The following APOBEC3D variants were observed in gnomAD, a reference collection of about 807,000 sequenced individuals.
The protein encoded by APOBEC3D is DNA dC->dU-editing enzyme APOBEC-3D.
In APOBEC3D, 37 loss-of-function variants were observed where a neutral mutation model predicts 45.6. The ratio of observed to expected loss-of-function variants is 0.81; its 90% CI spans 0.62 to 1.07. The LOEUF (loss-of-function observed/expected upper bound fraction) is 1.07, where lower values mean the gene tolerates loss of function less well. Among genes scored for constraint, APOBEC3D ranks in the 50% least tolerant of loss-of-function variants. APOBEC3D has a pLI of 0.00. For synonymous variants in APOBEC3D, 175 were observed against 180.7 expected, an observed-to-expected ratio of 0.97 and a Z score of 0.25; for missense variants, 496 against 495.3, an observed-to-expected ratio of 1.00 and a Z score of -0.01.
At position 39,027,548 on chromosome 22, in the gene APOBEC3D, A is replaced by G. The variant is rs923947563; in HGVS notation, c.606-1815A>G. 3.3e-4 allele frequency among the ~76,000 whole-genome samples: 50 copies of G among 152,138 alleles called. 2 individuals are homozygous for G. The highest frequency in any genetic ancestry group is 1.5e-4 in the Non-Finnish European group (10 of 68,006). ...ACTCACAGCGCAGGTGTCTCCTGGAACAAGGGCCCTGGACGATAGAAATAG... is the reference window on the plus strand; with the variant it reads ...ACTCACAGCGCAGGTGTCTCCTGGAGCAAGGGCCCTGGACGATAGAAATAG... On this transcript the variant is annotated intron_variant, in intron 4 of 6. Transcript: ENST00000216099.
intron 4 of APOBEC3D, among the ~76,000 whole-genome samples, chr22:39,029,061 C>G (rs1925955772): frequency 6.6e-6 from 1 of 152,226 alleles, no homozygotes; most frequent in Non-Finnish European, 1.5e-5. Flanking sequence ...GTTTTATTCT[C>G]TGTTGCATTT....
At chr22:39,024,546 T>A (rs1925437791) in intron 2 of APOBEC3D, among the ~76,000 whole-genome samples, 1 of 152,176 alleles carries the variant, frequency 6.6e-6, no homozygotes, top group Admixed American at 6.5e-5. Flanking sequence ...CAGAAATGTG[T>A]TGGCTCGAGT....
Position 39,032,282 on chromosome 22 carries a change from T to G in APOBEC3D, c.1127T>G (p.Leu376Arg). ...AAGGGACTACAAACCAACTTTCGAC[T>G]TCTGAAAAGAAGGCTACGGGAGATT... is the stretch of plus-strand genomic sequence containing the variant. ...PWKGLQTNFR[L>R]LKRRLREILQ The change falls in exon 7 of 7, where the codon CTT (leucine) becomes CGT (arginine). Residue 376 changes from leucine to arginine, a missense_variant. Leu to Arg is a moderately radical substitution (Grantham distance 102). Transcript: ENST00000216099. 3 of 1,614,178 alleles carry G rather than the reference T, an allele frequency of 1.9e-6. No homozygotes were observed. Among genetic ancestry groups the G allele is most frequent in the Non-Finnish European group, 1.7e-6 (2 of 1,180,024 alleles).
At position 39,022,946 on chromosome 22, in the gene APOBEC3D, C is replaced by T. The variant is rs557872721; in HGVS notation, c.142C>T (p.Leu48Phe). Residue 48 changes from leucine (L) to phenylalanine (F), a missense_variant, in exon 2 of 7, where the codon CTC (leucine) becomes TTC (phenylalanine). Coordinates refer to ENST00000216099, the MANE Select transcript of APOBEC3D (RefSeq NM_152426.4). ...GAAAATAAAGAGGGGCCGCTCAAATCTCCTTTGGGACACAGGGGTCTTTCG... is the reference window on the plus strand; with the variant it reads ...GAAAATAAAGAGGGGCCGCTCAAATTTCCTTTGGGACACAGGGGTCTTTCG... ...EVKIKRGRSNLLWDTGVFRGP... is the reference protein window; with the variant it reads ...EVKIKRGRSNFLWDTGVFRGP... 1.2e-6 allele frequency: 2 copies of T among 1,613,994 alleles called. No individual in the cohort carries two copies. Among genetic ancestry groups the T allele is most frequent in the East Asian group, 2.2e-5 (1 of 44,874 alleles).
intron 1 of APOBEC3D, 49 bp downstream of exon 1, chr22:39,021,585 G>A (rs772188291): frequency 6.2e-7 from 1 of 1,612,984 alleles, no homozygotes; most frequent in Admixed American, 1.7e-5. Context: ...CCTTCCTTCT[G>A]GTGGTCCTGC....
rs189177843 is a variant in APOBEC3D at position 39,032,617 on chromosome 22, G to A, written c.*301G>A. On this transcript the variant is annotated 3_prime_UTR_variant, in exon 7 of 7. Coordinates refer to ENST00000216099, the MANE Select transcript of APOBEC3D (RefSeq NM_152426.4). The stretch of plus-strand genomic sequence containing the variant: ...TTTTTTTTTTTTTTTTTTTTGAGAC[G>A]GAGTTTCACTCTGTCGCCCAGACTA... The A allele has an allele frequency of 1.0e-4, 107 of 1,053,788 alleles. No individual in the cohort carries two copies. The highest frequency in any genetic ancestry group is 4.8e-4 in the African/African-American group (27 of 56,486). The allele number at this position is 1,053,788 out of a possible 1,614,324, so 65.3% of individuals were successfully genotyped here.
chr22:39,021,282 A>G lies in APOBEC3D; in HGVS notation c.-238A>G. ...GTCACCACACCTGGCTAATTTTTGTATTTTTAGTAGAGACGGGGTTTCTCC... is the reference window on the plus strand; with the variant it reads ...GTCACCACACCTGGCTAATTTTTGTGTTTTTAGTAGAGACGGGGTTTCTCC... On this transcript the variant is annotated 5_prime_UTR_variant, in exon 1 of 7. Coordinates refer to ENST00000216099, the MANE Select transcript of APOBEC3D (RefSeq NM_152426.4). The G allele has an allele frequency of 2.1e-6, 1 of 469,586 alleles. No homozygotes were observed. Among genetic ancestry groups the G allele is most frequent in the South Asian group, 2.1e-5 (1 of 47,946 alleles). The allele number at this position is 469,586 out of a possible 1,614,324, so 29.1% of individuals were successfully genotyped here.
chr22:39,032,366 C>T lies in APOBEC3D; in HGVS notation c.*50C>T, dbSNP rs759513202. 1.2e-5 allele frequency: 20 copies of T among 1,602,958 alleles called. No individual in the cohort carries two copies. In the African/African-American group the frequency reaches 2.4e-4, roughly 19 times the overall value. Reference sequence around the variant, plus strand: ...TGTCTCTTCTAGCCTCCTGCTCATGCTGCACGGGCCTCCCCTCCATCCTGC... The same window carrying T: ...TGTCTCTTCTAGCCTCCTGCTCATGTTGCACGGGCCTCCCCTCCATCCTGC... On this transcript the variant is annotated 3_prime_UTR_variant, in exon 7 of 7. Transcript: ENST00000216099.
intron 3 of APOBEC3D, 65 bp from the exon 4 acceptor site, chr22:39,025,492 C>G: frequency 1.4e-5 from 22 of 1,613,990 alleles, no homozygotes; most frequent in Non-Finnish European, 1.9e-5. Flanking sequence ...GCCAGGAGAC[C>G]AGGCCTGGGA....
At chr22:39,028,408 C>T (rs975345935) in intron 4 of APOBEC3D, among the ~76,000 whole-genome samples, 1 of 152,254 alleles carries the variant, frequency 6.6e-6, no homozygotes, top group Non-Finnish European at 1.5e-5. Context: ...GGCAGATTAT[C>T]TGGCCTCCCT....
At position 39,025,579 on chromosome 22, in the gene APOBEC3D, CTT is replaced by C. The variant is rs1159847989; in HGVS notation, c.515_516del (p.Phe172CysfsTer4). 5.6e-6 allele frequency: 9 copies of C among 1,614,012 alleles called. No homozygotes were observed. The highest frequency in any genetic ancestry group is 1.3e-5 in the African/African-American group (1 of 74,884). On this transcript the variant is annotated frameshift_variant, in exon 4 of 7. Coordinates refer to ENST00000216099, the MANE Select transcript of APOBEC3D (RefSeq NM_152426.4). LOFTEE classifies it high-confidence loss of function. ...CAGACTTTGCATACTGCTGGGAAAA[CTT>C]TGTGTGCAATGAAGGTCAGCCATTC... ...YEDFAYCWEN[F>X]VCNEGQPFMP...
In APOBEC3D at chr22:39,032,709, T is replaced by C; in HGVS notation, c.*393T>C. The C allele has an allele frequency of 1.1e-5, 7 of 643,878 alleles. No individual in the cohort carries two copies. The highest frequency in any genetic ancestry group is 2.0e-5 in the African/African-American group (1 of 49,790). 39.9% of individuals were successfully genotyped at this position (643,878 alleles called of 1,614,324 possible). On this transcript the variant is annotated 3_prime_UTR_variant, in exon 7 of 7. Coordinates refer to ENST00000216099, the MANE Select transcript of APOBEC3D (RefSeq NM_152426.4). ...ACTGGGTTCAAGTGATTCTCCTGTC[T>C]CAGCTTCTGAGTAGCTGGGATTACA...
intron 1 of APOBEC3D, among the ~76,000 whole-genome samples, chr22:39,022,202 C>T (rs920626563): frequency 2.0e-5 from 3 of 152,236 alleles, no homozygotes; most frequent in African/African-American, 7.2e-5. Flanking sequence ...TCCTGCAGGG[C>T]CCGTGATGCA....
rs1347670043 is a variant in APOBEC3D at position 39,021,491 on chromosome 22, C to G, written c.-29C>G. On this transcript the variant is annotated 5_prime_UTR_variant, in exon 1 of 7. Coordinates refer to ENST00000216099, the MANE Select transcript of APOBEC3D (RefSeq NM_152426.4). ...ACAGCACTTCAAAAAAAGAGGGAGA[C>G]TGGGACAAGCGTATCTAAGAGGCTG... 3 of 1,614,040 alleles carry G rather than the reference C, an allele frequency of 1.9e-6. No individual in the cohort carries two copies. Among genetic ancestry groups the G allele is most frequent in the East Asian group, 2.2e-5 (1 of 44,902 alleles).
At chr22:39,029,852 C>A (rs1345302605) in intron 5 of APOBEC3D, among the ~76,000 whole-genome samples, 28 of 152,208 alleles carry the variant, frequency 1.8e-4, no homozygotes, top group Non-Finnish European at 4.0e-4. Context: ...CTCAAGCGAT[C>A]CGCCCCGCTT....
At position 39,022,806 on chromosome 22, in the gene APOBEC3D, T is replaced by A. The variant is rs1261974251; in HGVS notation, c.18-16T>A. The A allele has an allele frequency of 6.3e-7, 1 of 1,598,308 alleles. No individual in the cohort carries two copies. Among genetic ancestry groups the A allele is most frequent in the East Asian group, 2.3e-5 (1 of 44,116 alleles). ...AGGGCTCCCTGCATGGGCCGGTTTC[T>A]CTCTTGTGCCTTCAGAAATCCGATG... On this transcript the variant is annotated splice_polypyrimidine_tract_variant and intron_variant, in intron 1 of 6. Coordinates refer to ENST00000216099, the MANE Select transcript of APOBEC3D (RefSeq NM_152426.4).
At chr22:39,029,798 A>G (rs1475601981) in intron 5 of APOBEC3D, among the ~76,000 whole-genome samples, 11 of 151,962 alleles carry the variant, frequency 7.2e-5, no homozygotes, top group Admixed American at 7.2e-4. Context: ...TTTAGTAGAG[A>G]CGGGGTTTCA....
chr22:39,026,063 G>T (rs185832524), intron 4 of APOBEC3D, among the ~76,000 whole-genome samples: 1 of 152,248 alleles, frequency 6.6e-6, no homozygotes, highest in Non-Finnish European at 1.5e-5. Flanking sequence ...CTTCAAGGCC[G>T]ACCTGAGCCC....
At chr22:39,021,584 T>C (rs777063634) in intron 1 of APOBEC3D, 48 bp downstream of exon 1, 1 of 1,613,014 alleles carries the variant, frequency 6.2e-7, no homozygotes, top group Non-Finnish European at 8.5e-7. Flanking sequence ...CCCTTCCTTC[T>C]GGTGGTCCTG....
Sources: gnomAD v4.1 joint callset for allele counts (sites outside exome capture counted in the v4.1 genomes callset) on GRCh38, gnomAD v4.1.1 for gene constraint, MANE v1.5 for transcripts, NCBI Gene and HGNC (gene_info 2026-07-23, HGNC 2026-07-21) for gene names.